The following OR56A3 variants were observed in gnomAD, a reference collection of about 807,000 sequenced individuals.
OR56A3 encodes the protein olfactory receptor 56A3.
A neutral mutation model predicts 17.5 loss-of-function variants in OR56A3; 23 were observed. That is an observed-to-expected ratio of 1.32 (90% confidence interval 0.95 to 1.87). The LOEUF is 1.87. Ranked by LOEUF, OR56A3 falls within the 40% of genes most tolerant of loss-of-function variation. The pLI, the probability that OR56A3 is intolerant of heterozygous loss-of-function variation, is 0.00. For missense variants in OR56A3, 366 were observed against 380.1 expected (o/e 0.96, Z 0.31); for synonymous variants, 175 against 150.6 (o/e 1.16, Z -1.19).
the OR56A3 span, among the ~76,000 whole-genome samples, chr11:6,007,345 T>C: frequency 1.3e-5 from 2 of 152,202 alleles, no homozygotes; most frequent in African/African-American, 4.8e-5. Context: ...GGATATAAAA[T>C]TTCTGTTACA....
chr11:5,985,797 G>A, the OR56A3 span: 1,009 of 711,546 alleles, frequency 1.4e-3, 12 homozygotes, highest in African/African-American at 0.016. Flanking sequence ...GTATCTGTGG[G>A]TGTTCTTTAG....
chr11:5,995,274 G>T, the OR56A3 span, among the ~76,000 whole-genome samples: 1 of 152,250 alleles, frequency 6.6e-6, no homozygotes, highest in South Asian at 2.1e-4. Flanking sequence ...CATTCTTTTT[G>T]CACTAAATCT....
At chr11:5,993,434 C>T in the OR56A3 span, among the ~76,000 whole-genome samples, 1 of 152,136 alleles carries the variant, frequency 6.6e-6, no homozygotes, top group Non-Finnish European at 1.5e-5. Context: ...AGGAAGTCCA[C>T]CCTCACCCAT....
chr11:6,002,061 T>C, the OR56A3 span: 33 of 1,585,284 alleles, frequency 2.1e-5, no homozygotes, highest in Admixed American at 5.5e-4. Flanking sequence ...TTACAACCTC[T>C]TCAGCAGGTT....
the OR56A3 span, among the ~76,000 whole-genome samples, chr11:6,015,371 C>CTGAGA: frequency 6.6e-6 from 1 of 151,994 alleles, no homozygotes; most frequent in African/African-American, 2.4e-5. Context: ...TTCAAAGTGG[C>CTGAGA]TCAGGTATAC....
chr11:5,971,957 A>G, the OR56A3 span, among the ~76,000 whole-genome samples: 1 of 152,186 alleles, frequency 6.6e-6, no homozygotes, highest in Non-Finnish European at 1.5e-5. Context: ...AAGAAGAAAA[A>G]ACTAGGGCTA....
the OR56A3 span, among the ~76,000 whole-genome samples, chr11:5,961,064 C>T: frequency 6.8e-3 from 1,039 of 151,936 alleles, 14 homozygotes; most frequent in African/African-American, 0.024. Context: ...AGCCCCTCCA[C>T]CCGGCAGCCG....
chr11:5,998,583 T>G, the OR56A3 span, among the ~76,000 whole-genome samples: 4 of 152,068 alleles, frequency 2.6e-5, no homozygotes, highest in Admixed American at 2.6e-4. Flanking sequence ...TCAGGTGAAG[T>G]GCCAAGTGAC....
At chr11:5,961,146 G>A in the OR56A3 span, among the ~76,000 whole-genome samples, 6 of 149,924 alleles carry the variant, frequency 4.0e-5, no homozygotes, top group South Asian at 2.1e-4. Context: ...GGCAGCCCCC[G>A]CCCGGCCACC....
chr11:5,989,933 A>G, the OR56A3 span, among the ~76,000 whole-genome samples: 2 of 152,254 alleles, frequency 1.3e-5, no homozygotes, highest in Non-Finnish European at 2.9e-5. Context: ...ATTACCAAAG[A>G]GTAGATGTTG....
At chr11:5,970,230 T>A in the OR56A3 span, among the ~76,000 whole-genome samples, 1 of 152,148 alleles carries the variant, frequency 6.6e-6, no homozygotes, top group African/African-American at 2.4e-5. Flanking sequence ...TTTAAATAGA[T>A]ATACTTATGG....
At chr11:5,985,836 C>G in the OR56A3 span, 6 of 1,070,756 alleles carry the variant, frequency 5.6e-6, no homozygotes, top group Non-Finnish European at 6.6e-6. Context: ...AGAAGGAATA[C>G]TCACTGCAAA....
At chr11:5,945,832 A>G (rs1847866544) in intron 2 of OR56A3, among the ~76,000 whole-genome samples, 1 of 152,218 alleles carries the variant, frequency 6.6e-6, no homozygotes, top group Non-Finnish European at 1.5e-5. Flanking sequence ...AGAAAGAATT[A>G]CAAAAATAAC....
At chr11:5,963,275 T>C in the OR56A3 span, among the ~76,000 whole-genome samples, 1 of 152,158 alleles carries the variant, frequency 6.6e-6, no homozygotes, top group East Asian at 1.9e-4. Flanking sequence ...CATTAGGTTG[T>C]TTATTTGAGA....
the OR56A3 span, chr11:5,995,008 G>T: frequency 1.5e-6 from 1 of 668,344 alleles, no homozygotes; most frequent in Non-Finnish European, 2.7e-6. Flanking sequence ...GAAGCTGGTG[G>T]ACCAGAACAT....
intron 1 of OR56A3, 114 bp downstream of exon 1, chr11:5,942,488 A>T (rs988763278): frequency 6.6e-6 from 1 of 152,250 alleles, no homozygotes; most frequent in Non-Finnish European, 1.5e-5. Flanking sequence ...AACAGGCAGT[A>T]TGAGAGCTAA....
chr11:6,011,042 A>T, the OR56A3 span, among the ~76,000 whole-genome samples: 1 of 152,134 alleles, frequency 6.6e-6, no homozygotes, highest in Admixed American at 6.5e-5. Flanking sequence ...AGAGTCAAAA[A>T]GTTAAAATGC....
In OR56A3 at chr11:5,948,768, T is replaced by C. The variant is rs1847890297; in HGVS notation, c.*474T>C. On this transcript the variant is annotated 3_prime_UTR_variant, in exon 3 of 3. Coordinates refer to ENST00000641160, the MANE Select transcript of OR56A3 (RefSeq NM_001003443.3). ...TGGAAAGTTGCTACTGGTCTGTAAG[T>C]AGGTCTTTTTCTCTCACCCTTCAAC... is the stretch of plus-strand genomic sequence containing the variant. The C allele has an allele frequency of 6.3e-6, 1 of 159,338 alleles. No homozygotes were observed. The highest frequency in any genetic ancestry group is 1.8e-4 in the South Asian group (1 of 5,580). The allele number at this position is 159,338 out of a possible 1,614,324, so 9.9% of individuals were successfully genotyped here. A position where few individuals can be genotyped will look rare whatever the true frequency, so the allele number is the denominator to read the frequency against.
chr11:5,946,517 T>C (rs1453431), intron 2 of OR56A3, among the ~76,000 whole-genome samples: 20,010 of 152,184 alleles, frequency 0.13, 1,398 homozygotes, highest in Middle Eastern at 0.18. Flanking sequence ...GGAAGGACTT[T>C]AAAGGTGAAC....
Sources: gnomAD v4.1 joint callset for allele counts (sites outside exome capture counted in the v4.1 genomes callset) on GRCh38, gnomAD v4.1.1 for gene constraint, MANE v1.5 for transcripts, NCBI Gene and HGNC (gene_info 2026-07-23, HGNC 2026-07-21) for gene names.